NELL2: variants seen among roughly 807,000 people sequenced by gnomAD.
NELL2 encodes the protein protein kinase C-binding protein NELL2.
A neutral mutation model predicts 109.6 loss-of-function variants in NELL2; 41 were observed. That is an observed-to-expected ratio of 0.37 (90% CI 0.29 to 0.49). NELL2 has a LOEUF of 0.49. NELL2 is among the 20% of genes least tolerant of loss of function. NELL2 has a pLI of 0.98. For synonymous variants in NELL2, 355 were observed against 344.7 expected, an observed-to-expected ratio of 1.03 and a Z score of -0.33; for missense variants, 900 against 1,008.3, an observed-to-expected ratio of 0.89 and a Z score of 1.45.
chr12:44,815,844 C>A, intron 3 of NELL2, 142 bp downstream of exon 3: 1 of 834,040 alleles, frequency 1.2e-6, no homozygotes, highest in South Asian at 2.0e-5. Flanking sequence ...GTCTTGAACT[C>A]CTGACCTCGT....
chr12:44,685,890 T>C (rs1471574025), intron 12 of NELL2, among the ~76,000 whole-genome samples: 2 of 152,178 alleles, frequency 1.3e-5, no homozygotes, highest in African/African-American at 4.8e-5. Flanking sequence ...GACAATTATG[T>C]GTCTTGGTGT....
upstream of NELL2, among the ~76,000 whole-genome samples, chr12:44,916,504 T>C (rs922483601): frequency 2.0e-5 from 3 of 152,142 alleles, no homozygotes; most frequent in African/African-American, 7.2e-5. Context: ...ATGGTGGAAA[T>C]TAATATTAAA....
rs113764328 is a variant in NELL2 at position 44,703,870 on chromosome 12, G to A, written c.1190-16C>T. The A allele has an allele frequency of 1.3e-6, 2 of 1,591,462 alleles. No homozygotes were observed. The highest frequency in any genetic ancestry group is 1.7e-6 in the Non-Finnish European group (2 of 1,169,112). On this transcript the variant is annotated splice_polypyrimidine_tract_variant and intron_variant, in intron 11 of 19. Coordinates refer to ENST00000429094, the MANE Select transcript of NELL2 (RefSeq NM_001145108.2). Reference sequence around the variant, plus strand: ...AAGTCATAACCTACAGAAAAAAAAAGAAATTTATTAAGGTAAATGAAACTA... The same window carrying A: ...AAGTCATAACCTACAGAAAAAAAAAAAAATTTATTAAGGTAAATGAAACTA...
chr12:44,894,268 G>A (rs984188068), intron 1 of NELL2, among the ~76,000 whole-genome samples: 6 of 152,040 alleles, frequency 3.9e-5, no homozygotes, highest in African/African-American at 1.4e-4. Context: ...AACTTATCTA[G>A]GTTGGCTTGA....
At chr12:44,834,414 T>C (rs10880693) in intron 2 of NELL2, among the ~76,000 whole-genome samples, 51,873 of 148,782 alleles carry the variant, frequency 0.35, 9,662 homozygotes, top group Non-Finnish European at 0.4. Flanking sequence ...TTTGCATGTA[T>C]ACCTACACAG....
At chr12:44,599,936 T>C (rs945666118) in intron 15 of NELL2, among the ~76,000 whole-genome samples, 1 of 148,128 alleles carries the variant, frequency 6.8e-6, no homozygotes, top group Admixed American at 6.8e-5. Flanking sequence ...GCCTTCATAG[T>C]GCGTAGGGAA....
At chr12:44,825,956 T>G (rs1325446393) in intron 2 of NELL2, among the ~76,000 whole-genome samples, 1 of 151,474 alleles carries the variant, frequency 6.6e-6, no homozygotes, top group African/African-American at 2.4e-5. Context: ...GCAGGAGAAT[T>G]GCTTGAACCT....
At chr12:44,762,409 C>A (rs1447286975) in intron 9 of NELL2, among the ~76,000 whole-genome samples, 2 of 152,180 alleles carry the variant, frequency 1.3e-5, no homozygotes. Flanking sequence ...GCTCTACCTT[C>A]AAAATATAGT....
chr12:44,553,544 G>A (rs1342965874), intron 15 of NELL2, among the ~76,000 whole-genome samples: 1 of 152,086 alleles, frequency 6.6e-6, no homozygotes, highest in Non-Finnish European at 1.5e-5. Flanking sequence ...GTGTAAGGCA[G>A]TAAATTTTAA....
chr12:44,600,742 C>T (rs1945188057), intron 15 of NELL2, among the ~76,000 whole-genome samples: 1 of 152,144 alleles, frequency 6.6e-6, no homozygotes, highest in Non-Finnish European at 1.5e-5. Context: ...CTCTGTCTAA[C>T]AAGGACTTAT....
At chr12:44,608,397 A>G (rs546609984) in intron 14 of NELL2, among the ~76,000 whole-genome samples, 1 of 152,140 alleles carries the variant, frequency 6.6e-6, no homozygotes, top group South Asian at 2.1e-4. Flanking sequence ...GACCATGTAC[A>G]TATTTTCACT....
In NELL2 at chr12:44,739,049, T is replaced by TAC. The variant is rs1271637833; in HGVS notation, c.995-24310_995-24309dup. On this transcript the variant is annotated intron_variant, in intron 9 of 19. Transcript: ENST00000429094. Reference sequence around the variant, plus strand: ...CTCCACCACCATTCACACACATCCATACACACACATACATATTTTCCATAT... The same window carrying TAC: ...CTCCACCACCATTCACACACATCCATACACACACACATACATATTTTCCATAT... 2.0e-5 allele frequency among the ~76,000 whole-genome samples: 3 copies of TAC among 151,660 alleles called. No homozygotes were observed. In the East Asian group the frequency reaches 5.8e-4, roughly 29 times the overall value.
At chr12:44,806,754 T>C (rs2136664787) in intron 3 of NELL2, among the ~76,000 whole-genome samples, 1 of 151,994 alleles carries the variant, frequency 6.6e-6, no homozygotes, top group South Asian at 2.1e-4. Context: ...TTTGCATTTT[T>C]AAATGCATAC....
chr12:44,701,563 G>A (rs1335690585), intron 12 of NELL2, among the ~76,000 whole-genome samples: 1 of 152,056 alleles, frequency 6.6e-6, no homozygotes, highest in African/African-American at 2.4e-5. Flanking sequence ...CTTCTTTCCT[G>A]TCTCAATGCC....
At chr12:44,794,737 C>T (rs771257593) in intron 3 of NELL2, among the ~76,000 whole-genome samples, 1 of 152,114 alleles carries the variant, frequency 6.6e-6, no homozygotes, top group Admixed American at 6.6e-5. Flanking sequence ...AATGTACCAA[C>T]ATTTTAAACA....
chr12:44,542,073 T>C (rs1413525221), intron 15 of NELL2, among the ~76,000 whole-genome samples: 2 of 152,170 alleles, frequency 1.3e-5, no homozygotes, highest in Non-Finnish European at 2.9e-5. Context: ...TAATGTCCCA[T>C]TAGGCCATGT....
chr12:44,608,146 C>T (rs1945472171), intron 14 of NELL2, among the ~76,000 whole-genome samples: 2 of 152,100 alleles, frequency 1.3e-5, no homozygotes, highest in Non-Finnish European at 2.9e-5. Flanking sequence ...TCAGCAGCTG[C>T]TTCCTCAGCC....
chr12:44,735,102 T>C (rs1939570699), intron 9 of NELL2, among the ~76,000 whole-genome samples: 1 of 152,144 alleles, frequency 6.6e-6, no homozygotes, highest in Non-Finnish European at 1.5e-5. Context: ...TTCTGAATGT[T>C]CACTTTACCG....
At chr12:44,528,428 A>G (rs1313986395) in intron 16 of NELL2, among the ~76,000 whole-genome samples, 1 of 152,128 alleles carries the variant, frequency 6.6e-6, no homozygotes, top group Non-Finnish European at 1.5e-5. Flanking sequence ...TTTTATCCTG[A>G]TCATTATTAT....
Sources: allele counts gnomAD v4.1 joint callset (sites outside exome capture counted in the v4.1 genomes callset), GRCh38; gene constraint gnomAD v4.1.1; transcripts MANE v1.5; gene names NCBI Gene and HGNC (gene_info 2026-07-23, HGNC 2026-07-21).